SKIC3: variants seen among roughly 807,000 people sequenced by gnomAD.
The protein encoded by SKIC3 is SKI3 subunit of superkiller complex.
At chr5:95,482,674 T>C in the SKIC3 span, 3 of 1,607,922 alleles carry the variant, frequency 1.9e-6, no homozygotes, top group Non-Finnish European at 8.5e-7. Context: ...AATAGGTTCT[T>C]AAGTGTTAAA....
chr5:95,512,596 G>A, the SKIC3 span: 35 of 1,613,734 alleles, frequency 2.2e-5, no homozygotes, highest in Non-Finnish European at 2.5e-5. Context: ...GACCCAATAC[G>A]CATAACCTAA....
At chr5:95,474,905 C>T in the SKIC3 span, among the ~76,000 whole-genome samples, 8 of 152,166 alleles carry the variant, frequency 5.3e-5, no homozygotes, top group East Asian at 1.9e-4. Flanking sequence ...CTTCTTTTAA[C>T]GCTTCCAATT....
chr5:95,509,259 C>T, the SKIC3 span, among the ~76,000 whole-genome samples: 40 of 152,188 alleles, frequency 2.6e-4, no homozygotes, highest in African/African-American at 9.6e-4. Context: ...TTCCTTAGTT[C>T]AGCTAAAACC....
the SKIC3 span, among the ~76,000 whole-genome samples, chr5:95,496,064 A>C: frequency 0.011 from 1,621 of 150,460 alleles, 28 homozygotes; most frequent in African/African-American, 0.036. Flanking sequence ...GTCACCCAGG[A>C]TGGAGTGCGG....
At chr5:95,553,882 C>T in the SKIC3 span, among the ~76,000 whole-genome samples, 2 of 152,164 alleles carry the variant, frequency 1.3e-5, no homozygotes, top group Non-Finnish European at 2.9e-5. Context: ...TGCATGCTCC[C>T]GCAGATCTTT....
At chr5:95,469,651 A>C in the SKIC3 span, 1 of 1,273,478 alleles carries the variant, frequency 7.9e-7, no homozygotes, top group Non-Finnish European at 1.1e-6. Flanking sequence ...ACAGATATAT[A>C]AATACCCCCC....
the SKIC3 span, chr5:95,512,691 C>A: frequency 6.6e-7 from 1 of 1,519,472 alleles, no homozygotes; most frequent in South Asian, 1.1e-5. Context: ...AGAAGTAAAA[C>A]AATGCACTTC....
the SKIC3 span, among the ~76,000 whole-genome samples, chr5:95,517,603 A>G: frequency 5.9e-5 from 9 of 152,252 alleles, 1 homozygote; most frequent in South Asian, 1.9e-3. Context: ...AAATAAATAA[A>G]TAAGTTTTCC....
At chr5:95,545,098 G>A in the SKIC3 span, among the ~76,000 whole-genome samples, 3 of 152,034 alleles carry the variant, frequency 2.0e-5, no homozygotes, top group Non-Finnish European at 4.4e-5. Flanking sequence ...TAACTATTTG[G>A]TGGAATTAAT....
chr5:95,543,171 A>C, the SKIC3 span: 2 of 1,613,594 alleles, frequency 1.2e-6, no homozygotes, highest in Non-Finnish European at 1.7e-6. Context: ...AGAAAAAAAA[A>C]ATTTCTACAT....
At chr5:95,469,872 T>C in the SKIC3 span, 1 of 1,614,200 alleles carries the variant, frequency 6.2e-7, no homozygotes. Flanking sequence ...TTGTAGCCTC[T>C]TGAACCAAAG....
the SKIC3 span, chr5:95,490,889 G>A: frequency 6.2e-7 from 1 of 1,613,628 alleles, no homozygotes. Context: ...CATGTATAAA[G>A]ATGCTTTTAA....
At chr5:95,498,690 A>G in the SKIC3 span, 3 of 1,118,524 alleles carry the variant, frequency 2.7e-6, no homozygotes, top group Non-Finnish European at 3.9e-6. Flanking sequence ...CAGTGGCACC[A>G]TCTCGGCTCA....
the SKIC3 span, chr5:95,512,741 T>C: frequency 9.1e-7 from 1 of 1,101,396 alleles, no homozygotes. Context: ...TTTAAGTCAA[T>C]TGTTAAAAGT....
chr5:95,464,363 A>T, the SKIC3 span: 2 of 452,686 alleles, frequency 4.4e-6, no homozygotes, highest in Non-Finnish European at 8.0e-6. Context: ...TTAAGCAACC[A>T]AGGCAATAAT....
At chr5:95,513,691 A>G in the SKIC3 span, 1 of 1,542,170 alleles carries the variant, frequency 6.5e-7, no homozygotes, top group Admixed American at 1.7e-5. Context: ...AAAAGACAGT[A>G]ACAATAATAA....
At chr5:95,541,212 T>C in the SKIC3 span, 1 of 1,168,318 alleles carries the variant, frequency 8.6e-7, no homozygotes, top group African/African-American at 1.5e-5. Context: ...GTGATCTGCC[T>C]GCCTCAGCCT....
At chr5:95,477,150 T>C in the SKIC3 span, among the ~76,000 whole-genome samples, 1 of 152,196 alleles carries the variant, frequency 6.6e-6, no homozygotes, top group Non-Finnish European at 1.5e-5. Flanking sequence ...ACCTTTGTTA[T>C]ATACAAATAT....
chr5:95,488,699 A>G, the SKIC3 span, among the ~76,000 whole-genome samples: 1 of 152,230 alleles, frequency 6.6e-6, no homozygotes, highest in Non-Finnish European at 1.5e-5. Flanking sequence ...AAAAGAGAAC[A>G]GACAACATTT....
Sources: gnomAD v4.1 joint callset for allele counts (sites outside exome capture counted in the v4.1 genomes callset) on GRCh38, gnomAD v4.1.1 for gene constraint, MANE v1.5 for transcripts, NCBI Gene and HGNC (gene_info 2026-07-23, HGNC 2026-07-21) for gene names.